Variants in ESRRG observed in about 807,000 individuals in gnomAD.
ESRRG encodes the protein estrogen related receptor gamma.
Under a neutral mutation model 44.0 loss-of-function variants are expected in ESRRG, and 13 were observed. That is an observed-to-expected ratio of 0.30 (90% CI 0.19 to 0.47). The LOEUF is 0.47. ESRRG is among the 20% of genes least tolerant of loss of function. The pLI, the probability that ESRRG is intolerant of heterozygous loss-of-function variation, is 1.00. For synonymous variants in ESRRG, 215 were observed against 214.6 expected, an observed-to-expected ratio of 1.00 and a Z score of -0.02; for missense variants, 395 against 580.6, an observed-to-expected ratio of 0.68 and a Z score of 3.29.
At chr1:216,820,116 A>T (rs1441719754) in intron 2 of ESRRG, among the ~76,000 whole-genome samples, 1 of 152,210 alleles carries the variant, frequency 6.6e-6, no homozygotes, top group Non-Finnish European at 1.5e-5. Flanking sequence ...GTAAGATTTT[A>T]AATAAAAAGA....
At chr1:216,562,943 C>T (rs1231570210) in intron 5 of ESRRG, among the ~76,000 whole-genome samples, 1 of 152,044 alleles carries the variant, frequency 6.6e-6, no homozygotes, top group African/African-American at 2.4e-5. Context: ...GCAGTAAATC[C>T]TTTCTTTTTA....
intron 5 of ESRRG, among the ~76,000 whole-genome samples, chr1:216,523,946 T>C (rs765578781): frequency 1.2e-3 from 184 of 152,132 alleles, no homozygotes; most frequent in Non-Finnish European, 2.0e-3. Context: ...AAGTTCATTT[T>C]GAGAAGCTGA....
At chr1:217,008,109 C>T (rs2818760) in intron 1 of ESRRG, among the ~76,000 whole-genome samples, 48,979 of 152,028 alleles carry the variant, frequency 0.32, 10,684 homozygotes, top group African/African-American at 0.61. Context: ...AAACTTTAAA[C>T]CCAGTGCAGC....
At chr1:216,708,368 A>T (rs567789282) in intron 1 of ESRRG, among the ~76,000 whole-genome samples, 1 of 152,230 alleles carries the variant, frequency 6.6e-6, no homozygotes, top group Non-Finnish European at 1.5e-5. Flanking sequence ...TTACATTTCA[A>T]TAGTATTCTT....
At chr1:217,066,773 G>A (rs1290706710) in intron 1 of ESRRG, among the ~76,000 whole-genome samples, 1 of 152,080 alleles carries the variant, frequency 6.6e-6, no homozygotes, top group Admixed American at 6.5e-5. Flanking sequence ...GATGCCAGTG[G>A]CACCCTCTTC....
intron 2 of ESRRG, among the ~76,000 whole-genome samples, chr1:216,868,409 T>C (rs2096207659): frequency 6.6e-6 from 1 of 152,112 alleles, no homozygotes; most frequent in Admixed American, 6.6e-5. Context: ...TGTTCTTTAT[T>C]ATTGCTGAGT....
chr1:217,063,772 GCAAC>G (rs1226949836), intron 1 of ESRRG, among the ~76,000 whole-genome samples: 1 of 152,182 alleles, frequency 6.6e-6, no homozygotes, highest in Non-Finnish European at 1.5e-5. Context: ...GTTACTGGAT[GCAAC>G]CCTCTAGAGA....
At chr1:217,121,684 C>T (rs1421565282) in intron 1 of ESRRG, among the ~76,000 whole-genome samples, 1 of 152,146 alleles carries the variant, frequency 6.6e-6, no homozygotes, top group Non-Finnish European at 1.5e-5. Context: ...TTAACCAAGT[C>T]AGGAATGCAA....
rs546637250 is a variant in ESRRG at position 216,912,314 on chromosome 1, C to T, written c.-14+27268G>A. 7.5e-5 allele frequency among the ~76,000 whole-genome samples: 7 copies of T among 93,298 alleles called. 1 individual carries two copies. Among genetic ancestry groups the T allele is most frequent in the Admixed American group, 1.5e-4 (1 of 6,566 alleles). The allele number at this position is 93,298 out of a possible 152,430, so 61.2% of individuals were successfully genotyped here. A position where few individuals can be genotyped will look rare whatever the true frequency, so the allele number is the denominator to read the frequency against. Reference sequence around the variant, plus strand: ...AGGAAAGGAGGGAAGGAGGGAAGGACAGAAGGAAGGAAGGAAGGAAAGAAG... The same window carrying T: ...AGGAAAGGAGGGAAGGAGGGAAGGATAGAAGGAAGGAAGGAAGGAAAGAAG... On this transcript the variant is annotated intron_variant, in intron 2 of 7. Coordinates refer to the ESRRG transcript ENST00000359162.
chr1:216,901,467 A>G (rs2059064430), intron 2 of ESRRG, among the ~76,000 whole-genome samples: 1 of 150,322 alleles, frequency 6.7e-6, no homozygotes, highest in African/African-American at 2.5e-5. Context: ...TCCCAGACTC[A>G]AGCAATCCTC....
intron 2 of ESRRG, among the ~76,000 whole-genome samples, chr1:216,875,044 C>T (rs1320002974): frequency 1.3e-5 from 2 of 152,152 alleles, no homozygotes; most frequent in Admixed American, 6.5e-5. Flanking sequence ...GATCCACCAC[C>T]GGTTTCCTTA....
chr1:216,648,977 C>G (rs2068271999), intron 3 of ESRRG, among the ~76,000 whole-genome samples: 2 of 152,032 alleles, frequency 1.3e-5, no homozygotes, highest in South Asian at 4.1e-4. Flanking sequence ...CATTAACTTT[C>G]AGAAATATGT....
chr1:216,692,650 T>A (rs2079284631), intron 1 of ESRRG, among the ~76,000 whole-genome samples: 1 of 152,128 alleles, frequency 6.6e-6, no homozygotes, highest in African/African-American at 2.4e-5. Context: ...TCCTAGGCCT[T>A]CACATTCACT....
At chr1:216,519,460 C>T in intron 5 of ESRRG, 39 bp from the exon 6 acceptor site, 1 of 1,556,724 alleles carries the variant, frequency 6.4e-7, no homozygotes, top group Non-Finnish European at 8.6e-7. Context: ...ACTTTAAAGC[C>T]ATAATTTCAT....
At chr1:216,729,329 A>G (rs1423592145) in intron 2 of ESRRG, among the ~76,000 whole-genome samples, 1 of 152,178 alleles carries the variant, frequency 6.6e-6, no homozygotes, top group Non-Finnish European at 1.5e-5. Flanking sequence ...TTTTATTGTC[A>G]TCCTACAATT....
chr1:216,516,668 C>CACACACACACACACACACAG (rs376701865), intron 6 of ESRRG, among the ~76,000 whole-genome samples: 2,814 of 136,944 alleles, frequency 0.021, 58 homozygotes, highest in Middle Eastern at 0.03. Context: ...CACACACACA[C>CACACACACACACACACACAG]AGAGAGAGAG....
intron 1 of ESRRG, among the ~76,000 whole-genome samples, chr1:217,137,072 G>A (rs1024517214): frequency 5.9e-5 from 9 of 152,164 alleles, no homozygotes; most frequent in Admixed American, 5.2e-4. Flanking sequence ...AGCTGGGGGG[G>A]AGGGAGCCGG....
intron 3 of ESRRG, among the ~76,000 whole-genome samples, chr1:216,637,636 A>T (rs2065557524): frequency 6.6e-6 from 1 of 152,246 alleles, no homozygotes; most frequent in Non-Finnish European, 1.5e-5. Context: ...TCCTGGCTTT[A>T]CCATTTAATA....
intron 2 of ESRRG, among the ~76,000 whole-genome samples, chr1:216,851,122 A>G (rs927335565): frequency 1.6e-4 from 24 of 151,326 alleles, no homozygotes; most frequent in Non-Finnish European, 1.5e-5. Flanking sequence ...TATCGTGAGT[A>G]TGTTTTTCTG....
Sources: gnomAD v4.1 joint callset for allele counts (sites outside exome capture counted in the v4.1 genomes callset) on GRCh38, gnomAD v4.1.1 for gene constraint, MANE v1.5 for transcripts, NCBI Gene and HGNC (gene_info 2026-07-23, HGNC 2026-07-21) for gene names.